ADGRD2: variants seen among roughly 807,000 people sequenced by gnomAD.
ADGRD2 encodes the protein adhesion G protein-coupled receptor D2.
In ADGRD2, 71 loss-of-function variants were observed where a neutral mutation model predicts 44.4. The ratio of observed to expected loss-of-function variants is 1.60; its 90% CI spans 1.32 to 1.95. The LOEUF is 1.95. ADGRD2 is among the 30% of genes most tolerant of loss of function. ADGRD2 has a pLI of 0.00. For missense variants in ADGRD2, 1,039 were observed against 512.4 expected (o/e 2.03, Z -9.92); for synonymous variants, 481 against 224.8 (o/e 2.14, Z -10.19).
chr9:124,466,521 T>C (rs1216518164), intron 11 of ADGRD2, 108 bp downstream of exon 14: 5 of 570,776 alleles, frequency 8.8e-6, no homozygotes, highest in South Asian at 4.8e-5. Flanking sequence ...CCAGCTTTCA[T>C]AGATTGTCGG....
chr9:124,455,114 T>C, exon 6 of ADGRD2: 1 of 705,852 alleles, frequency 1.4e-6, no homozygotes, highest in Non-Finnish European at 2.7e-6. Flanking sequence ...GACACATGGC[T>C]CTCCCTCCGT....
At chr9:124,452,918 C>T (rs1831518358) in intron 2 of ADGRD2, 117 bp from the exon 6 acceptor site, 2 of 604,444 alleles carry the variant, frequency 3.3e-6, no homozygotes, top group Admixed American at 2.9e-5. Context: ...TTTCCTCCTT[C>T]CCGAGGTGGG....
intron 17 of ADGRD2, among the ~76,000 whole-genome samples, chr9:124,471,320 C>A (rs937653988): frequency 5.3e-5 from 8 of 152,286 alleles, no homozygotes; most frequent in African/African-American, 1.9e-4. Flanking sequence ...GCTTGCCCAG[C>A]CCGGGTCCCT....
intron 16 of ADGRD2, among the ~76,000 whole-genome samples, chr9:124,469,751 C>T (rs1398572923): frequency 6.6e-6 from 1 of 152,272 alleles, no homozygotes; most frequent in Non-Finnish European, 1.5e-5. Flanking sequence ...CAACATGTGT[C>T]AACATGCACC....
chr9:124,453,160 T>A (rs1831529824), exon 3 of ADGRD2: 2 of 700,064 alleles, frequency 2.9e-6, no homozygotes, highest in African/African-American at 3.5e-5. Flanking sequence ...GGACTGTGCC[T>A]CGCCCGACCC....
exon 3 of ADGRD2, chr9:124,453,059 T>A (rs1399340163): frequency 5.9e-6 from 4 of 676,474 alleles, no homozygotes; most frequent in Non-Finnish European, 1.1e-5. Flanking sequence ...GCCGTGCTGG[T>A]GTTCGACGAG....
chr9:124,460,933 G>A (rs4838181), intron 10 of ADGRD2, among the ~76,000 whole-genome samples: 82,903 of 151,904 alleles, frequency 0.55, 23,358 homozygotes, highest in Middle Eastern at 0.7. Context: ...CAGCATTGGA[G>A]AGTTCCAGTT....
chr9:124,470,044 C>A (rs1342460335), intron 16 of ADGRD2, among the ~76,000 whole-genome samples: 1 of 152,186 alleles, frequency 6.6e-6, no homozygotes, highest in African/African-American at 2.4e-5. Flanking sequence ...CCCAGCCCTG[C>A]CTCCTTGCTG....
intron 10 of ADGRD2, chr9:124,465,641 C>G (rs779166435): frequency 6.6e-6 from 1 of 152,142 alleles, no homozygotes; most frequent in Non-Finnish European, 1.5e-5. Context: ...TGTGAACCAC[C>G]AAACCCAGCC....
chr9:124,460,994 A>G (rs543000833), intron 10 of ADGRD2, among the ~76,000 whole-genome samples: 1 of 152,320 alleles, frequency 6.6e-6, no homozygotes, highest in Non-Finnish European at 1.5e-5. Flanking sequence ...GTCATTCATT[A>G]TAATAGTCAT....
intron 10 of ADGRD2, among the ~76,000 whole-genome samples, chr9:124,461,114 A>G (rs1831716654): frequency 2.0e-5 from 3 of 152,236 alleles, no homozygotes; most frequent in Admixed American, 2.0e-4. Context: ...TCTTAAATGC[A>G]TCTTCAAATC....
chr9:124,453,633 G>A (rs1831550929), exon 3 of ADGRD2: 2 of 700,716 alleles, frequency 2.9e-6, no homozygotes, highest in Non-Finnish European at 5.2e-6. Context: ...TGGACGTCAC[G>A]CCCTCGCTGC....
At chr9:124,458,885 G>A (rs1012608788) in intron 10 of ADGRD2, among the ~76,000 whole-genome samples, 164 bp downstream of exon 13, 6 of 152,208 alleles carry the variant, frequency 3.9e-5, no homozygotes, top group African/African-American at 7.2e-5. Context: ...GAAGGGAAGC[G>A]ATTGACTGCA....
chr9:124,459,586 T>C (rs965021411), intron 10 of ADGRD2, among the ~76,000 whole-genome samples: 6 of 151,638 alleles, frequency 4.0e-5, no homozygotes, highest in Admixed American at 1.3e-4. Context: ...GGGTGGAAAA[T>C]ATTCAGAAAA....
At chr9:124,452,290 T>C (rs939060422) in intron 1 of ADGRD2, 136 bp downstream of exon 4, 1 of 634,390 alleles carries the variant, frequency 1.6e-6, no homozygotes, top group Non-Finnish European at 2.9e-6. Flanking sequence ...TACCAGGCCC[T>C]GCGAGGAACG....
Position 124,466,619 on chromosome 9 carries a change from G to C in ADGRD2, c.2026+206G>C, listed in dbSNP as rs551750547. On this transcript the variant is annotated intron_variant, in intron 11 of 21. Coordinates refer to ENST00000334810, the Ensembl canonical transcript of ADGRD2. ...GAGCCCAGGAGTTCAAGACCAGCCTGGGCAACATGGCAAAACCCCGTCTCT... is the reference window on the plus strand; with the variant it reads ...GAGCCCAGGAGTTCAAGACCAGCCTCGGCAACATGGCAAAACCCCGTCTCT... 576 of 386,596 alleles carry C rather than the reference G, an allele frequency of 1.5e-3. 7 individuals are homozygous for C. Among genetic ancestry groups the C allele is most frequent in the African/African-American group, 0.011 (528 of 48,412 alleles). The allele number at this position is 386,596 out of a possible 1,614,324, so 23.9% of individuals were successfully genotyped here.
At chr9:124,471,396 G>A (rs781033725) in intron 17 of ADGRD2, among the ~76,000 whole-genome samples, 4 of 152,180 alleles carry the variant, frequency 2.6e-5, no homozygotes, top group South Asian at 2.1e-4. Flanking sequence ...GAAGTCAGGT[G>A]CGAACTCCAC....
At chr9:124,458,663 G>C (rs1162161186) in exon 10 of ADGRD2, 1 of 718,716 alleles carries the variant, frequency 1.4e-6, no homozygotes, top group South Asian at 1.5e-5. Context: ...TCTGAAGTGT[G>C]GGACGTCACT....
chr9:124,464,832 A>G (rs1304328290), intron 10 of ADGRD2, among the ~76,000 whole-genome samples: 1 of 149,912 alleles, frequency 6.7e-6, no homozygotes, highest in African/African-American at 2.5e-5. Context: ...ATGTGTTTTC[A>G]CAAGTATGCA....
Sources: allele counts gnomAD v4.1 joint callset (sites outside exome capture counted in the v4.1 genomes callset), GRCh38; gene constraint gnomAD v4.1.1; transcripts MANE v1.5; gene names NCBI Gene and HGNC (gene_info 2026-07-23, HGNC 2026-07-21).